Variants in PKP4 observed in about 807,000 individuals in gnomAD.
PKP4 encodes plakophilin-4.
In PKP4, 90 loss-of-function variants were observed where a neutral mutation model predicts 145.1. The ratio of observed to expected loss-of-function variants is 0.62; its 90% CI spans 0.52 to 0.74. The LOEUF is 0.74. PKP4 is among the 30% of genes least tolerant of loss of function. PKP4 has a pLI of 0.00. For missense variants in PKP4, 1,340 were observed against 1,482.7 expected (o/e 0.90, Z 1.58); for synonymous variants, 563 against 577.2 (o/e 0.98, Z 0.35).
At position 158,593,197 on chromosome 2, in the gene PKP4, A is replaced by G. The variant is rs920868447; in HGVS notation, c.246-9873A>G. Among the ~76,000 whole-genome samples, 3 of 152,302 alleles carry G rather than the reference A, an allele frequency of 2.0e-5. No individual in the cohort carries two copies. The East Asian group carries it at 5.8e-4, about 29-fold the overall frequency. On this transcript the variant is annotated intron_variant, in intron 3 of 21. Coordinates refer to ENST00000389759, the MANE Select transcript of PKP4 (RefSeq NM_003628.6). ...TAGACCATGGACACAAATAGTTCCC[A>G]GTAGCCCCTCTGTTTCAAGGCCAAA...
intron 11 of PKP4, among the ~76,000 whole-genome samples, chr2:158,645,009 T>C (rs1232580548): frequency 6.6e-6 from 1 of 152,222 alleles, no homozygotes; most frequent in Non-Finnish European, 1.5e-5. Flanking sequence ...CACTTGGGAA[T>C]GAATAAACTA....
At chr2:158,670,480 A>G (rs542807526) in intron 17 of PKP4, among the ~76,000 whole-genome samples, 1 of 152,296 alleles carries the variant, frequency 6.6e-6, no homozygotes, top group African/African-American at 2.4e-5. Context: ...TGGAATTTCA[A>G]CATATGAACT....
At chr2:158,458,942 AAAAAT>A (rs1288431537) in intron 1 of PKP4, among the ~76,000 whole-genome samples, 1 of 152,204 alleles carries the variant, frequency 6.6e-6, no homozygotes, top group Admixed American at 6.5e-5. Context: ...ACTGAAAAAA[AAAAAT>A]AAATGCTGCC....
Position 158,640,625 on chromosome 2 carries a change from A to C in PKP4, c.1563-2A>C. ...TTCTGAAGCCATGTTTTTCTCATGT[A>C]GGGAGTTTGCCTGGCGTGATCCTGA... is the stretch of plus-strand genomic sequence containing the variant. On this transcript the variant is annotated splice_acceptor_variant, in intron 9 of 21. Coordinates refer to ENST00000389759, the MANE Select transcript of PKP4 (RefSeq NM_003628.6). LOFTEE classifies it high-confidence loss of function. 1 of 1,612,560 alleles carries C rather than the reference A, an allele frequency of 6.2e-7. No individual in the cohort carries two copies. Among genetic ancestry groups the C allele is most frequent in the Non-Finnish European group, 8.5e-7 (1 of 1,179,812 alleles).
At position 158,640,598 on chromosome 2, in the gene PKP4, C is replaced by A. The variant is rs966448265; in HGVS notation, c.1563-29C>A. 4 of 1,608,636 alleles carry A rather than the reference C, an allele frequency of 2.5e-6. No homozygotes were observed. In the African/African-American group the frequency reaches 4.0e-5, roughly 16 times the overall value. ...GTGTATTTTTACAACATGGGCCTTC[C>A]TTTCTGAAGCCATGTTTTTCTCATG... On this transcript the variant is annotated intron_variant, in intron 9 of 21. Transcript: ENST00000389759.
intron 1 of PKP4, among the ~76,000 whole-genome samples, chr2:158,464,948 T>C (rs1484442234): frequency 1.3e-5 from 2 of 152,358 alleles, no homozygotes; most frequent in Middle Eastern, 3.4e-3. Flanking sequence ...TACTACTTAT[T>C]TGAAATGATT....
At chr2:158,537,017 A>C (rs1184284462) in intron 2 of PKP4, among the ~76,000 whole-genome samples, 2 of 152,198 alleles carry the variant, frequency 1.3e-5, no homozygotes, top group Non-Finnish European at 2.9e-5. Flanking sequence ...CCTTGGATAT[A>C]TTAGACCTGC....
At position 158,581,888 on chromosome 2, in the gene PKP4, C is replaced by G. The variant is rs1332458042; in HGVS notation, c.245+4505C>G. Among the ~76,000 whole-genome samples, 2 of 152,160 alleles carry G rather than the reference C, an allele frequency of 1.3e-5. 1 individual carries two copies. The highest frequency in any genetic ancestry group is 4.1e-4 in the South Asian group (2 of 4,830). On this transcript the variant is annotated intron_variant, in intron 3 of 21. Coordinates refer to ENST00000389759, the MANE Select transcript of PKP4 (RefSeq NM_003628.6). ...TTAATGACTCTTTAGAATTAGTAGTCTTCCAAACAAGGTAAAAACCTCATT... is the reference window on the plus strand; with the variant it reads ...TTAATGACTCTTTAGAATTAGTAGTGTTCCAAACAAGGTAAAAACCTCATT...
chr2:158,503,965 C>CTTTTTT (rs59715903), intron 1 of PKP4, among the ~76,000 whole-genome samples: 56 of 86,888 alleles, frequency 6.4e-4, no homozygotes, highest in South Asian at 2.2e-3. Flanking sequence ...TAAATTCTGG[C>CTTTTTT]TTTTTTTTTT....
chr2:158,640,887 A>T, intron 10 of PKP4, 128 bp downstream of exon 10: 1 of 955,632 alleles, frequency 1.0e-6, no homozygotes, highest in Non-Finnish European at 1.6e-6. Context: ...TTTTGATACC[A>T]GATACTCTTT....
chr2:158,596,495 C>G (rs3771640), intron 3 of PKP4, among the ~76,000 whole-genome samples: 1 of 151,956 alleles, frequency 6.6e-6, no homozygotes. Flanking sequence ...TTAATATACA[C>G]CTGATTCATG....
intron 3 of PKP4, among the ~76,000 whole-genome samples, chr2:158,586,265 C>A (rs1246712132): frequency 6.6e-6 from 1 of 151,994 alleles, no homozygotes. Context: ...GAGCTTTGCT[C>A]TAGACATTCT....
At chr2:158,671,958 G>A (rs2057600836) in intron 17 of PKP4, among the ~76,000 whole-genome samples, 1 of 152,164 alleles carries the variant, frequency 6.6e-6, no homozygotes, top group Non-Finnish European at 1.5e-5. Flanking sequence ...GGTTAGAGGG[G>A]GACATCAAGT....
At chr2:158,577,173 G>A in intron 2 of PKP4, 98 bp from the exon 3 acceptor site, 3 of 688,214 alleles carry the variant, frequency 4.4e-6, no homozygotes, top group South Asian at 2.0e-5. Flanking sequence ...TATGTTATGG[G>A]TACGTTCCTA....
chr2:158,633,465 C>T (rs1454557036), intron 8 of PKP4, among the ~76,000 whole-genome samples: 2 of 152,178 alleles, frequency 1.3e-5, no homozygotes, highest in African/African-American at 4.8e-5. Flanking sequence ...TATTCACGTC[C>T]CAGTGGGATC....
At chr2:158,565,882 T>C (rs2046941695) in intron 2 of PKP4, among the ~76,000 whole-genome samples, 1 of 152,222 alleles carries the variant, frequency 6.6e-6, no homozygotes, top group African/African-American at 2.4e-5. Context: ...GGAGTGATGA[T>C]ATTATTGAAA....
chr2:158,526,134 T>G (rs2042910962), intron 1 of PKP4, among the ~76,000 whole-genome samples: 2 of 147,886 alleles, frequency 1.4e-5, no homozygotes, highest in Admixed American at 6.8e-5. Context: ...ACTCATTTTA[T>G]GAGGCCAGCA....
chr2:158,465,605 A>C (rs1408186548), intron 1 of PKP4, among the ~76,000 whole-genome samples: 1 of 152,080 alleles, frequency 6.6e-6, no homozygotes, highest in Non-Finnish European at 1.5e-5. Context: ...GTGTGCCTTT[A>C]TAAGCCCAAA....
intron 1 of PKP4, among the ~76,000 whole-genome samples, chr2:158,512,738 A>C (rs2041624108): frequency 6.6e-6 from 1 of 152,254 alleles, no homozygotes; most frequent in Non-Finnish European, 1.5e-5. Flanking sequence ...CAGTACTGAC[A>C]AGACCTCCCT....
Sources: allele counts gnomAD v4.1 joint callset (sites outside exome capture counted in the v4.1 genomes callset), GRCh38; gene constraint gnomAD v4.1.1; transcripts MANE v1.5; gene names NCBI Gene and HGNC (gene_info 2026-07-23, HGNC 2026-07-21).